Variants in MARCHF1 observed in about 807,000 individuals in gnomAD.
MARCHF1 encodes the protein E3 ubiquitin-protein ligase MARCHF1.
In MARCHF1, 40 loss-of-function variants were observed where a neutral mutation model predicts 54.2. The observed-to-expected ratio is 0.74, with a 90% CI of 0.57 to 0.96. The LOEUF (loss-of-function observed/expected upper bound fraction) is 0.96, where lower values mean the gene tolerates loss of function less well. MARCHF1 is among the 40% of genes least tolerant of loss of function. The probability of loss-of-function intolerance (pLI) is 0.00; values close to 1 mark genes in which losing one functional copy is unlikely to be tolerated. For synonymous variants in MARCHF1, 236 were observed against 236.3 expected (o/e 1.00, Z 0.01); for missense variants, 586 against 656.5 (o/e 0.89, Z 1.17).
chr4:164,272,795 ATAAT>A (rs1340831559), intron 1 of MARCHF1, among the ~76,000 whole-genome samples: 1 of 151,842 alleles, frequency 6.6e-6, no homozygotes, highest in African/African-American at 2.4e-5. Flanking sequence ...TATTTTTTGC[ATAAT>A]TAAATATTAT....
intron 5 of MARCHF1, among the ~76,000 whole-genome samples, chr4:163,651,868 AT>A (rs926993409): frequency 2.1e-4 from 31 of 150,498 alleles, no homozygotes; most frequent in Non-Finnish European, 5.9e-5. Context: ...TCCTAATTGG[AT>A]TATTTTCAAT....
rs189193365 is a variant in MARCHF1, at chr4:164,226,893, C to A, written c.-322-115231G>T. ...ATCTAGTGATGAAAATACCAAAATGCAGGTTTTATTGCAATACCATGTCCC... is the reference window on the plus strand; with the variant it reads ...ATCTAGTGATGAAAATACCAAAATGAAGGTTTTATTGCAATACCATGTCCC... On this transcript the variant is annotated intron_variant, in intron 1 of 9. Transcript: ENST00000514618. Among the ~76,000 whole-genome samples, 485 of 152,120 alleles carry A rather than the reference C, an allele frequency of 3.2e-3. 2 individuals are homozygous for A. Among genetic ancestry groups the A allele is most frequent in the African/African-American group, 0.011 (464 of 41,522 alleles).
chr4:164,201,960 T>A (rs1268808094), intron 1 of MARCHF1, among the ~76,000 whole-genome samples: 1 of 152,256 alleles, frequency 6.6e-6, no homozygotes, highest in Non-Finnish European at 1.5e-5. Context: ...TTTATGTTTC[T>A]ACTCAATTAA....
At chr4:164,108,274 T>C (rs747583023) in intron 2 of MARCHF1, among the ~76,000 whole-genome samples, 1 of 152,170 alleles carries the variant, frequency 6.6e-6, no homozygotes, top group African/African-American at 2.4e-5. Context: ...CATTATATAC[T>C]AAGTAAGTTC....
intron 1 of MARCHF1, among the ~76,000 whole-genome samples, chr4:164,257,744 G>A (rs537078886): frequency 1.9e-4 from 29 of 152,260 alleles, no homozygotes; most frequent in Admixed American, 1.0e-3. Context: ...GAGGTGGGGG[G>A]ATCACTTGAG....
At chr4:164,197,061 G>C in intron 1 of MARCHF1, 1 of 1,604,888 alleles carries the variant, frequency 6.2e-7, no homozygotes, top group East Asian at 2.2e-5. Context: ...CATCTTCCTC[G>C]CCATCTACCT....
intron 2 of MARCHF1, among the ~76,000 whole-genome samples, chr4:164,060,757 C>T (rs1754598021): frequency 6.6e-6 from 1 of 152,056 alleles, no homozygotes; most frequent in Admixed American, 6.6e-5. Flanking sequence ...AAAAACTTTC[C>T]AACAGTTGCA....
chr4:164,187,955 T>C (rs996388545), intron 1 of MARCHF1, among the ~76,000 whole-genome samples: 2 of 152,190 alleles, frequency 1.3e-5, no homozygotes, highest in Non-Finnish European at 2.9e-5. Flanking sequence ...TGGCAATTAT[T>C]TCTAACACTG....
At chr4:163,682,198 G>A (rs1011295338) in intron 5 of MARCHF1, among the ~76,000 whole-genome samples, 26 of 152,166 alleles carry the variant, frequency 1.7e-4, no homozygotes, top group Non-Finnish European at 3.2e-4. Context: ...ACTTGAGAGA[G>A]ATCATTTAGG....
intron 2 of MARCHF1, among the ~76,000 whole-genome samples, chr4:164,042,382 C>T (rs567485269): frequency 7.9e-5 from 12 of 152,144 alleles, no homozygotes; most frequent in African/African-American, 2.6e-4. Context: ...AGTCATGGTG[C>T]AAGGGAAAGG....
chr4:164,111,058 C>CA (rs1356094088), intron 2 of MARCHF1, among the ~76,000 whole-genome samples: 1 of 151,678 alleles, frequency 6.6e-6, no homozygotes, highest in Non-Finnish European at 1.5e-5. Flanking sequence ...TCATATAGAG[C>CA]AAAATAAATG....
Position 163,691,033 on chromosome 4 carries a change from A to G in MARCHF1, c.162+9780T>C, listed in dbSNP as rs537457281. The stretch of plus-strand genomic sequence containing the variant: ...CTGTTAGTTCTTGGGCCCAAGTATT[A>G]TAAGTATATAAGGCAAAGCGTCATT... On this transcript the variant is annotated intron_variant, in intron 5 of 9. Coordinates refer to ENST00000514618, the MANE Select transcript of MARCHF1 (RefSeq NM_001394959.1). 3.3e-5 allele frequency among the ~76,000 whole-genome samples: 5 copies of G among 152,310 alleles called. No homozygotes were observed. The South Asian group carries it at 8.3e-4, about 25-fold the overall frequency.
intron 2 of MARCHF1, among the ~76,000 whole-genome samples, chr4:164,061,036 T>C (rs1754604895): frequency 6.6e-6 from 1 of 152,176 alleles, no homozygotes; most frequent in South Asian, 2.1e-4. Context: ...CCAGCTAACC[T>C]ATCATTTTGC....
intron 2 of MARCHF1, among the ~76,000 whole-genome samples, chr4:164,035,549 A>C (rs1396671825): frequency 2.0e-5 from 3 of 151,384 alleles, no homozygotes; most frequent in East Asian, 1.9e-4. Context: ...TTTCTTTTTC[A>C]TTGATTAGAA....
chr4:163,882,529 T>C (rs553564648), intron 3 of MARCHF1, among the ~76,000 whole-genome samples: 12 of 152,310 alleles, frequency 7.9e-5, no homozygotes, highest in African/African-American at 2.9e-4. Context: ...TTCTGTGAAA[T>C]TGTTTAAATG....
chr4:163,674,471 A>G (rs1191240228), intron 5 of MARCHF1, among the ~76,000 whole-genome samples: 1 of 152,182 alleles, frequency 6.6e-6, no homozygotes, highest in Non-Finnish European at 1.5e-5. Context: ...AGTATCAAAG[A>G]CAGTCTCCTC....
chr4:163,664,557 T>G (rs1395134384), intron 5 of MARCHF1, among the ~76,000 whole-genome samples: 2 of 152,070 alleles, frequency 1.3e-5, no homozygotes, highest in African/African-American at 4.8e-5. Context: ...TCAGACTTAC[T>G]TAGGAACAAG....
intron 4 of MARCHF1, among the ~76,000 whole-genome samples, chr4:163,810,534 C>T (rs920329532): frequency 1.3e-5 from 2 of 152,284 alleles, no homozygotes; most frequent in African/African-American, 2.4e-5. Flanking sequence ...TTAACAATTG[C>T]TAGTTGCTTC....
intron 1 of MARCHF1, among the ~76,000 whole-genome samples, chr4:164,264,532 T>C (rs182328560): frequency 2.6e-5 from 4 of 151,870 alleles, no homozygotes; most frequent in Non-Finnish European, 5.9e-5. Context: ...CCTGGTAATA[T>C]GTAATATGAA....
Sources: allele counts gnomAD v4.1 joint callset (sites outside exome capture counted in the v4.1 genomes callset), GRCh38; gene constraint gnomAD v4.1.1; transcripts MANE v1.5; gene names NCBI Gene and HGNC (gene_info 2026-07-23, HGNC 2026-07-21).